Variants in TUBGCP2 observed in about 807,000 individuals in gnomAD.
TUBGCP2 encodes the protein gamma-tubulin complex component 2.
In TUBGCP2, 55 loss-of-function variants were observed where a neutral mutation model predicts 92.2. That is an observed-to-expected ratio of 0.60 (90% CI 0.48 to 0.75). TUBGCP2 has a LOEUF of 0.75. Ranked by LOEUF, TUBGCP2 falls within the 30% of genes least tolerant of loss-of-function variation. The pLI, the probability that TUBGCP2 is intolerant of heterozygous loss-of-function variation, is 0.00. For synonymous variants in TUBGCP2, 533 were observed against 505.2 expected, an observed-to-expected ratio of 1.06 and a Z score of -0.74; for missense variants, 1,093 against 1,188.9, an observed-to-expected ratio of 0.92 and a Z score of 1.19.
chr10:133,296,246 CCT>C, intron 5 of TUBGCP2, among the ~76,000 whole-genome samples: 1 of 152,304 alleles, frequency 6.6e-6, no homozygotes, highest in South Asian at 2.1e-4. Flanking sequence ...CTGAACACCC[CCT>C]CAGTGCCTCC....
upstream of TUBGCP2, chr10:133,312,207 G>A (rs558498886): frequency 4.5e-5 from 63 of 1,388,036 alleles, no homozygotes; most frequent in Middle Eastern, 2.7e-4. Context: ...TGCCGTCTGC[G>A]TTTCTAGCGT....
chr10:133,297,850 C>T lies in TUBGCP2; in HGVS notation c.616+102G>A, dbSNP rs1847525851. 3.9e-6 allele frequency: 6 copies of T among 1,535,316 alleles called. No individual in the cohort carries two copies. The African/African-American group carries it at 8.2e-5, about 21-fold the overall frequency. On this transcript the variant is annotated intron_variant, in intron 5 of 17. Transcript: ENST00000252936. ...GGGCTGGGCCTGCAAAGTGTCCTGC[C>T]CAGAGGCCAGAAATAAACACATGAC...
At chr10:133,296,819 T>A (rs1027768576) in intron 5 of TUBGCP2, among the ~76,000 whole-genome samples, 3 of 152,070 alleles carry the variant, frequency 2.0e-5, no homozygotes, top group African/African-American at 7.2e-5. Context: ...TACAGCATGG[T>A]TTTCTATACT....
Position 133,299,980 on chromosome 10 carries a change from C to T in TUBGCP2, c.279+5G>A. 1.2e-6 allele frequency: 2 copies of T among 1,613,774 alleles called. No homozygotes were observed. Among genetic ancestry groups the T allele is most frequent in the Non-Finnish European group, 1.7e-6 (2 of 1,179,790 alleles). On this transcript the variant is annotated splice_donor_5th_base_variant and intron_variant, in intron 3 of 17. Transcript: ENST00000252936. ...CGCAGTGTGGCACGTGGCATGGGCACCTACCTCTTTGTCTTCCGTGAGCTT... is the reference window on the plus strand; with the variant it reads ...CGCAGTGTGGCACGTGGCATGGGCATCTACCTCTTTGTCTTCCGTGAGCTT...
intron 15 of TUBGCP2, among the ~76,000 whole-genome samples, chr10:133,282,663 G>A (rs551501553): frequency 6.6e-6 from 1 of 152,328 alleles, no homozygotes; most frequent in Admixed American, 6.5e-5. Context: ...ACTGCCTGGA[G>A]AGCCTCATTC....
rs770114376 is a variant in TUBGCP2, at chr10:133,300,099, C to T, written c.165G>A (p.Glu55=). 18 of 1,613,584 alleles carry T rather than the reference C, an allele frequency of 1.1e-5. No individual in the cohort carries two copies. In the South Asian group the frequency reaches 1.9e-4, roughly 17 times the overall value. Residue 55 remains glutamate (E), a synonymous_variant, in exon 3 of 18, where the codon GAG becomes GAA. Transcript: ENST00000252936. ...SAHSAKVKIA[E]FSRTPEDFLK... ...GAAAGTCTTCTGGAGTACGAGAAAA[C>T]TCTGCAATTTTAACCTCAAAAGCAC...
At chr10:133,303,998 CATT>C (rs762872768) in intron 1 of TUBGCP2, among the ~76,000 whole-genome samples, 4 of 152,332 alleles carry the variant, frequency 2.6e-5, no homozygotes, top group Admixed American at 6.5e-5. Flanking sequence ...AGTGGCTGCT[CATT>C]AGCCTCTGTC....
intron 15 of TUBGCP2, 87 bp downstream of exon 15, chr10:133,282,991 C>G (rs113013160): frequency 6.5e-7 from 1 of 1,542,600 alleles, no homozygotes; most frequent in South Asian, 1.2e-5. Flanking sequence ...GGCAGGAAAA[C>G]GTGAGCAGGC....
chr10:133,310,116 T>C (rs142814787), upstream of TUBGCP2: 35 of 1,611,304 alleles, frequency 2.2e-5, no homozygotes, highest in Admixed American at 5.5e-4. Flanking sequence ...GGCATGGCGG[T>C]GGGGGAGGGC....
At chr10:133,282,928 G>T in intron 15 of TUBGCP2, 150 bp downstream of exon 15, 1 of 1,152,426 alleles carries the variant, frequency 8.7e-7, no homozygotes, top group Non-Finnish European at 1.2e-6. Context: ...CGGCCAGGAA[G>T]ACCAGGAGTT....
chr10:133,281,316 T>C lies in TUBGCP2; in HGVS notation c.2530A>G (p.Ser844Gly), dbSNP rs1846969540. ...LDLLARLSIY[S>G]TSDCEHGMAS... ...ATGCCGTGCTCACAGTCACTGGTGCTATAGATGCTCAGCCGGGCCAGGAGG... is the reference window on the plus strand; with the variant it reads ...ATGCCGTGCTCACAGTCACTGGTGCCATAGATGCTCAGCCGGGCCAGGAGG... Residue 844 changes from serine (S) to glycine (G), a missense_variant, in exon 17 of 18, where the codon AGC becomes GGC. Ser to Gly is a moderately conservative substitution (Grantham distance 56). Transcript: ENST00000252936. 2 of 1,613,046 alleles carry C rather than the reference T, an allele frequency of 1.2e-6. No individual in the cohort carries two copies. Among genetic ancestry groups the C allele is most frequent in the African/African-American group, 1.3e-5 (1 of 74,880 alleles).
At position 133,289,797 on chromosome 10, in the gene TUBGCP2, C is replaced by CCCAAGTCCCCGCCCGCTGCGCCGCGGACG. The variant is rs571628234; in HGVS notation, c.1360+26_1360+27insCGTCCGCGGCGCAGCGGGCGGGGACTTGG. The stretch of plus-strand genomic sequence containing the variant: ...CTCCAGGCAGAGCTGTGCTGCGCAC[C>CCCAAGTCCCCGCCCGCTGCGCCGCGGACG]CCAAGTCCCCGCCCGCTGCGCCGCA... On this transcript the variant is annotated intron_variant, in intron 9 of 17. Coordinates refer to ENST00000252936, the MANE Select transcript of TUBGCP2 (RefSeq NM_006659.4). The CCCAAGTCCCCGCCCGCTGCGCCGCGGACG allele has an allele frequency of 7.0e-3, 1,040 of 147,648 alleles. 2 individuals are homozygous for CCCAAGTCCCCGCCCGCTGCGCCGCGGACG. The highest frequency in any genetic ancestry group is 0.02 in the Middle Eastern group (12 of 588). 9.1% of individuals were successfully genotyped at this position (147,648 alleles called of 1,614,324 possible).
At chr10:133,309,932 G>C, upstream of TUBGCP2, 1 of 1,613,552 alleles carries the variant, frequency 6.2e-7, no homozygotes, top group Non-Finnish European at 8.5e-7. Flanking sequence ...ACATCCTGGA[G>C]TGGCACGATT....
At position 133,283,287 on chromosome 10, in the gene TUBGCP2, C is replaced by T. The variant is rs139274249; in HGVS notation, c.2146-66G>A. The T allele has an allele frequency of 2.9e-5, 47 of 1,604,546 alleles. No homozygotes were observed. The African/African-American group carries it at 4.4e-4, about 15-fold the overall frequency. ...CTGACAGACGGGCCCTGCATGCGCA[C>T]GTGCTCAGTTCTGGCTTTGTGCATT... On this transcript the variant is annotated intron_variant, in intron 14 of 17. Transcript: ENST00000252936.
chr10:133,293,725 G>C lies in TUBGCP2; in HGVS notation c.661C>G (p.Leu221Val), dbSNP rs779881231. The C allele has an allele frequency of 2.5e-6, 4 of 1,604,332 alleles. No individual in the cohort carries two copies. The highest frequency in any genetic ancestry group is 1.3e-5 in the African/African-American group (1 of 74,860). The change falls in exon 6 of 18, where the codon CTG becomes GTG. Residue 221 changes from leucine to valine, a missense_variant. Around this residue, in one of 3 missense-constraint regions of TUBGCP2, gnomAD observed 490 missense variants for 488.5 expected, o/e 1.00. Coordinates refer to ENST00000252936, the MANE Select transcript of TUBGCP2 (RefSeq NM_006659.4). ...TCCACGCCCACCAGCACGTACAGCA[G>C]GTCCTCCACCACGGCCGACTCCTGC... ...ASQESAVVED[L>V]LYVLVGVDGR... is the part of the protein sequence containing the mutation.
In TUBGCP2 at chr10:133,308,784, C is replaced by G. The variant is rs531835310; in HGVS notation, c.-40+39G>C. On this transcript the variant is annotated intron_variant, in intron 1 of 17. Coordinates refer to ENST00000252936, the MANE Select transcript of TUBGCP2 (RefSeq NM_006659.4). The stretch of plus-strand genomic sequence containing the variant: ...CCCCGGGCCTGGCAGTCCCCCAACC[C>G]CCTCATCACGCCCGCGCCCGCGTTC... 3.8e-5 allele frequency: 17 copies of G among 449,234 alleles called. 1 individual carries two copies. In the South Asian group the frequency reaches 1.9e-3, roughly 51 times the overall value. The allele number at this position is 449,234 out of a possible 1,614,324, so 27.8% of individuals were successfully genotyped here.
rs961958345 is a variant in TUBGCP2, at chr10:133,292,642, G to C, written c.1071C>G (p.Ser357Arg). The stretch of plus-strand genomic sequence containing the variant: ...AGCTGAAGCTCCTGTCGTGGAGCAG[G>C]CTCAGCGTGGACCCCCCAAGACATT... Reference protein sequence around the residue: ...KGECLGGSTLSLLHDRSFSYT... With the variant: ...KGECLGGSTLRLLHDRSFSYT... The change falls in exon 8 of 18, where the codon AGC (serine) becomes AGG (arginine). Residue 357 changes from serine to arginine, a missense_variant. Physicochemically the swap from Ser to Arg is moderately radical, Grantham distance 110. Transcript: ENST00000252936. 2 of 1,613,980 alleles carry C rather than the reference G, an allele frequency of 1.2e-6. No homozygotes were observed. Among genetic ancestry groups the C allele is most frequent in the East Asian group, 2.2e-5 (1 of 44,890 alleles).
chr10:133,299,742 C>T, intron 3 of TUBGCP2, 139 bp from the exon 4 acceptor site: 7 of 879,060 alleles, frequency 8.0e-6, no homozygotes, highest in Non-Finnish European at 1.2e-5. Flanking sequence ...GTGCGACAGG[C>T]AGGAACTGAG....
chr10:133,289,558 T>C (rs547516350), intron 9 of TUBGCP2, among the ~76,000 whole-genome samples: 2 of 152,284 alleles, frequency 1.3e-5, no homozygotes, highest in African/African-American at 4.8e-5. Flanking sequence ...AGAAGGCACC[T>C]GTGAGAGAGC....
Sources: allele counts gnomAD v4.1 joint callset (sites outside exome capture counted in the v4.1 genomes callset), GRCh38; gene constraint gnomAD v4.1.1; regional missense constraint gnomAD v4.1.1; transcripts MANE v1.5; gene names NCBI Gene and HGNC (gene_info 2026-07-23, HGNC 2026-07-21).